The following TRPM2 variants were observed in gnomAD, a reference collection of about 807,000 sequenced individuals.
TRPM2 encodes transient receptor potential cation channel subfamily M member 2, also known as estrogen-responsive element-associated gene 1 protein.
In TRPM2, 161 loss-of-function variants were observed where a neutral mutation model predicts 174.0. The ratio of observed to expected loss-of-function variants is 0.93; its 90% CI spans 0.81 to 1.05. TRPM2 has a LOEUF of 1.05. TRPM2 is among the 50% of genes least tolerant of loss of function. The pLI is 0.00. For missense variants in TRPM2, 2,057 were observed against 2,038.0 expected, an observed-to-expected ratio of 1.01 and a Z score of -0.18; for synonymous variants, 954 against 861.3, an observed-to-expected ratio of 1.11 and a Z score of -1.88.
intron 5 of TRPM2, among the ~76,000 whole-genome samples, chr21:44,374,273 A>G (rs1213297489): frequency 6.6e-6 from 1 of 152,078 alleles, no homozygotes; most frequent in African/African-American, 2.4e-5. Flanking sequence ...GGCCTCCCAA[A>G]GTGCTGGGAT....
intron 31 of TRPM2, 142 bp downstream of exon 31, chr21:44,441,047 G>A: frequency 2.8e-6 from 2 of 722,914 alleles, no homozygotes; most frequent in South Asian, 3.1e-5. Context: ...CGGGGAGAGG[G>A]AAGGCGGGGA....
intron 25 of TRPM2, among the ~76,000 whole-genome samples, chr21:44,426,408 C>A (rs916037964): frequency 6.6e-6 from 1 of 152,038 alleles, no homozygotes; most frequent in South Asian, 2.1e-4. Context: ...GGAAGACCCC[C>A]AAGGCCCCCA....
At chr21:44,365,882 C>T (rs909525307) in intron 3 of TRPM2, among the ~76,000 whole-genome samples, 4 of 152,232 alleles carry the variant, frequency 2.6e-5, no homozygotes, top group Non-Finnish European at 5.9e-5. Flanking sequence ...CTGGTGGACC[C>T]GGTGGGACCC....
chr21:44,379,004 A>G lies in TRPM2; in HGVS notation c.1022A>G (p.Asp341Gly). The stretch of plus-strand genomic sequence containing the variant: ...CCCCCACCTGCCTTGCAGACCATCG[A>G]CAACGCCACCACCAACGGCACCCCC... ...EGGPGTLHTI[D>G]NATTNGTPCV... The change falls in exon 8 of 32, where the codon GAC becomes GGC. Residue 341 changes from aspartate to glycine, a missense_variant. By Grantham distance (94) the Asp-to-Gly change is moderately conservative. Coordinates refer to ENST00000397928, the MANE Select transcript of TRPM2 (RefSeq NM_003307.4). 3 of 1,605,554 alleles carry G rather than the reference A, an allele frequency of 1.9e-6. No homozygotes were observed. The highest frequency in any genetic ancestry group is 2.5e-6 in the Non-Finnish European group (3 of 1,179,668).
chr21:44,416,686 T>C, intron 20 of TRPM2: 1 of 192,758 alleles, frequency 5.2e-6, no homozygotes, highest in South Asian at 7.6e-5. Flanking sequence ...GTGAGGTCTG[T>C]GGGCTGAGTT....
rs149227537 is a variant in TRPM2, at chr21:44,370,706, C to T, written c.771+1363C>T. Among the ~76,000 whole-genome samples, 938 of 152,386 alleles carry T rather than the reference C, an allele frequency of 6.2e-3. 5 individuals are homozygous for T. The highest frequency in any genetic ancestry group is 0.021 in the African/African-American group (870 of 41,582). The stretch of plus-strand genomic sequence containing the variant: ...CACTGGCCAGCCCCAGCCCGGCCTT[C>T]GCCTTCCTTTGCGTCAGAATCATGA... On this transcript the variant is annotated intron_variant, in intron 5 of 31. Transcript: ENST00000397928.
chr21:44,376,801 C>T lies in TRPM2; in HGVS notation c.952+788C>T, dbSNP rs1334011524. On this transcript the variant is annotated intron_variant, in intron 6 of 31. Coordinates refer to ENST00000397928, the MANE Select transcript of TRPM2 (RefSeq NM_003307.4). This position sits in a 1 kb window ranked among gnomAD's most constrained non-coding sequence, Gnocchi z 4.2. ...CAGGGTTCCTTGTGCATCGAACTCC[C>T]CTGGAGGGTTCCTCACCAGCTTGTG... is the stretch of plus-strand genomic sequence containing the variant. 6.6e-6 allele frequency among the ~76,000 whole-genome samples: 1 copy of T among 152,186 alleles called. No homozygotes were observed.
chr21:44,350,196 T>C (rs1003061784), upstream of TRPM2: 10 of 151,316 alleles, frequency 6.6e-5, no homozygotes, highest in Admixed American at 5.9e-4. Context: ...TCGGGCGAGA[T>C]GTGGATGGCC....
At chr21:44,372,379 C>T (rs775223397) in intron 5 of TRPM2, among the ~76,000 whole-genome samples, 4 of 152,014 alleles carry the variant, frequency 2.6e-5, no homozygotes, top group Non-Finnish European at 4.4e-5. Context: ...GACTGTAATC[C>T]CAGCTACTGG....
chr21:44,381,168 T>G (rs1238730214), intron 8 of TRPM2, among the ~76,000 whole-genome samples: 2 of 151,820 alleles, frequency 1.3e-5, no homozygotes, highest in Non-Finnish European at 2.9e-5. Context: ...AGAGTCTATG[T>G]GGAGGCAATG....
At chr21:44,365,958 C>A (rs571923198) in intron 3 of TRPM2, among the ~76,000 whole-genome samples, 1 of 152,296 alleles carries the variant, frequency 6.6e-6, no homozygotes, top group Admixed American at 6.5e-5. Context: ...ACAATGCCAC[C>A]ACATGGTTGT....
chr21:44,378,866 G>A, intron 7 of TRPM2, 131 bp from the exon 8 acceptor site: 1 of 992,526 alleles, frequency 1.0e-6, no homozygotes, highest in Admixed American at 2.4e-5. Flanking sequence ...AAACTAATAA[G>A]TGCTTTCAGT....
chr21:44,417,236 G>A (rs1321595566), intron 20 of TRPM2, among the ~76,000 whole-genome samples: 11 of 137,220 alleles, frequency 8.0e-5, no homozygotes, highest in African/African-American at 1.1e-4. Context: ...GCACAAGGGC[G>A]TGGCTCTGCT....
At chr21:44,410,962 A>G (rs200621296) in intron 19 of TRPM2, among the ~76,000 whole-genome samples, 1,102 of 27,090 alleles carry the variant, frequency 0.041, no homozygotes, top group Non-Finnish European at 0.051. Context: ...GCGTAGCCTT[A>G]TAGTAAGTTT....
intron 2 of TRPM2, among the ~76,000 whole-genome samples, chr21:44,355,330 G>A (rs1310847270): frequency 6.6e-6 from 1 of 152,236 alleles, no homozygotes; most frequent in Non-Finnish European, 1.5e-5. Flanking sequence ...CCCCGCAGTT[G>A]GCGCCCCTTT....
intron 16 of TRPM2, among the ~76,000 whole-genome samples, chr21:44,404,378 C>G (rs76835671): frequency 1.2e-5 from 1 of 81,898 alleles, no homozygotes; most frequent in Non-Finnish European, 2.6e-5. Flanking sequence ...TGCACACATA[C>G]ATACACACAC....
intron 17 of TRPM2, 102 bp from the exon 18 acceptor site, chr21:44,405,803 G>C (rs2049849614): frequency 6.9e-7 from 1 of 1,446,452 alleles, no homozygotes; most frequent in Admixed American, 2.2e-5. Context: ...TTTGCCTCCA[G>C]GGCCCACCTG....
chr21:44,391,633 C>CT lies in TRPM2; in HGVS notation c.1794+9dup. 1 of 1,563,240 alleles carries CT rather than the reference C, an allele frequency of 6.4e-7. No homozygotes were observed. ...CCCCACGTCAAGCTCAACGTGCGTG[C>CT]TGGTAACGGGGCCCATCCTGGACTC... On this transcript the variant is annotated intron_variant, in intron 11 of 31. Coordinates refer to ENST00000397928, the MANE Select transcript of TRPM2 (RefSeq NM_003307.4). The surrounding 1 kb of genome is among the most constrained non-coding windows in gnomAD (Gnocchi z 5.0).
At chr21:44,373,632 C>T (rs181296299) in intron 5 of TRPM2, among the ~76,000 whole-genome samples, 11 of 136,360 alleles carry the variant, frequency 8.1e-5, no homozygotes, top group East Asian at 6.4e-4. Context: ...GCATTATATG[C>T]GACCCGGATA....
Sources: allele counts gnomAD v4.1 joint callset (sites outside exome capture counted in the v4.1 genomes callset), GRCh38; gene constraint gnomAD v4.1.1; non-coding constraint Gnocchi (gnomAD v3.1); transcripts MANE v1.5; gene names NCBI Gene and HGNC (gene_info 2026-07-23, HGNC 2026-07-21).